MYT1L: variants seen among roughly 807,000 people sequenced by gnomAD.
MYT1L encodes the protein myelin transcription factor 1-like protein.
Under a neutral mutation model 126.7 loss-of-function variants are expected in MYT1L, and 12 were observed. That is an observed-to-expected ratio of 0.09 (90% CI 0.06 to 0.15). The LOEUF (loss-of-function observed/expected upper bound fraction) is 0.15. Ranked by LOEUF, MYT1L falls within the 10% of genes least tolerant of loss-of-function variation. MYT1L has a pLI of 1.00. For missense variants in MYT1L, 979 were observed against 1,585.2 expected (o/e 0.62, Z 6.49); for synonymous variants, 541 against 604.2 (o/e 0.90, Z 1.53).
chr2:2,253,256 C>G (rs1222891450), intron 2 of MYT1L, among the ~76,000 whole-genome samples: 1 of 152,268 alleles, frequency 6.6e-6, no homozygotes, highest in Non-Finnish European at 1.5e-5. Context: ...TGCTGCCCCC[C>G]TCGCAGGAGC....
Position 2,250,739 on chromosome 2 carries a change from TG to T in MYT1L, c.-421+33664del, listed in dbSNP as rs148008203. Among the ~76,000 whole-genome samples, 764 of 152,160 alleles carry T rather than the reference TG, an allele frequency of 5.0e-3. 5 individuals are homozygous for T. Among genetic ancestry groups the T allele is most frequent in the African/African-American group, 0.018 (730 of 41,514 alleles). ...TCTCCATGATTTGATTATTACACAT[TG>T]CATGCCTGTACCAAAATATCTCTTG... On this transcript the variant is annotated intron_variant, in intron 2 of 24. Coordinates refer to ENST00000647738, the MANE Select transcript of MYT1L (RefSeq NM_001303052.2).
Position 1,910,082 on chromosome 2 carries a change from G to A in MYT1L, c.1817+158C>T, listed in dbSNP as rs1192444314. ...CCCTTGCCCTCACACAGCCTGGCCT[G>A]GAGTGAGGGGTCCTGGCCCCGGCTT... On this transcript the variant is annotated intron_variant, in intron 13 of 24. Coordinates refer to ENST00000647738, the MANE Select transcript of MYT1L (RefSeq NM_001303052.2). The surrounding 1 kb of genome is among the most constrained non-coding windows in gnomAD (Gnocchi z 4.8). Among the ~76,000 whole-genome samples, 4 of 152,200 alleles carry A rather than the reference G, an allele frequency of 2.6e-5. No individual in the cohort carries two copies. The highest frequency in any genetic ancestry group is 9.6e-5 in the African/African-American group (4 of 41,464).
chr2:1,912,281 C>T lies in MYT1L; in HGVS notation c.1619-171G>A, dbSNP rs565555171. Among the ~76,000 whole-genome samples the T allele has an allele frequency of 3.9e-5, 6 of 152,168 alleles. No individual in the cohort carries two copies. The highest frequency in any genetic ancestry group is 1.4e-4 in the African/African-American group (6 of 41,534). ...CACATGGGAGGAGAAAGAAGGTTGA[C>T]TGGACCCTACGGACCCTACACGAAA... On this transcript the variant is annotated intron_variant, in intron 11 of 24. Coordinates refer to ENST00000647738, the MANE Select transcript of MYT1L (RefSeq NM_001303052.2). The surrounding 1 kb of genome is among the most constrained non-coding windows in gnomAD (Gnocchi z 4.3).
chr2:2,206,001 G>A (rs1378233594), intron 2 of MYT1L, among the ~76,000 whole-genome samples: 1 of 120,154 alleles, frequency 8.3e-6, no homozygotes, highest in Non-Finnish European at 1.7e-5. Flanking sequence ...TTTTTTTTTT[G>A]AAACAGGGTC....
intron 3 of MYT1L, among the ~76,000 whole-genome samples, chr2:2,163,210 T>A (rs2088328209): frequency 2.6e-5 from 4 of 152,140 alleles, no homozygotes; most frequent in Admixed American, 6.6e-5. Context: ...AACCTTGTTT[T>A]TCTTTCTACA....
rs568835569 is a variant in MYT1L, at chr2:2,210,229, C to T, written c.-420-37241G>A. On this transcript the variant is annotated intron_variant, in intron 2 of 24. Coordinates refer to ENST00000647738, the MANE Select transcript of MYT1L (RefSeq NM_001303052.2). ...GATAGGTTGACTTTTTCCTTTGCTG[C>T]GCAGAGGCTTTTTTAACTTGATATG... Among the ~76,000 whole-genome samples the T allele has an allele frequency of 1.8e-4, 27 of 152,156 alleles. 1 individual carries two copies. The highest frequency in any genetic ancestry group is 1.7e-3 in the South Asian group (8 of 4,816).
At chr2:2,306,055 A>G (rs1409921092) in intron 1 of MYT1L, 1 of 152,192 alleles carries the variant, frequency 6.6e-6, no homozygotes, top group East Asian at 1.9e-4. Context: ...CTGATCCTGG[A>G]ACAGGAGCAA....
At chr2:2,157,388 T>C (rs1392805256) in intron 3 of MYT1L, among the ~76,000 whole-genome samples, 3 of 152,216 alleles carry the variant, frequency 2.0e-5, no homozygotes, top group Non-Finnish European at 4.4e-5. Flanking sequence ...GACTAGACTT[T>C]TGTAAAATAA....
In MYT1L at chr2:2,224,302, C is replaced by A. The variant is rs2093955256; in HGVS notation, c.-420-51314G>T. Among the ~76,000 whole-genome samples, 1 of 152,028 alleles carries A rather than the reference C, an allele frequency of 6.6e-6. No individual in the cohort carries two copies. The highest frequency in any genetic ancestry group is 1.5e-5 in the Non-Finnish European group (1 of 68,022). On this transcript the variant is annotated intron_variant, in intron 2 of 24. Coordinates refer to ENST00000647738, the MANE Select transcript of MYT1L (RefSeq NM_001303052.2). This position sits in a 1 kb window ranked among gnomAD's most constrained non-coding sequence, Gnocchi z 4.0. ...AGGGTGTGACAGCAACAGATGGCAC[C>A]CAGAAAGGAGGCGTGGCGAGACCTT...
chr2:1,859,647 TGCAGATGGTATCACCCGCTGACA>T (rs1256139429), intron 18 of MYT1L, among the ~76,000 whole-genome samples: 1 of 152,230 alleles, frequency 6.6e-6, no homozygotes, highest in Non-Finnish European at 1.5e-5. Context: ...CTGGATGACA[TGCAGATGGTATCACCCGCTGACA>T]GCAGGAATAT....
intron 5 of MYT1L, among the ~76,000 whole-genome samples, chr2:1,989,082 G>A (rs1020417145): frequency 5.9e-5 from 9 of 152,084 alleles, no homozygotes; most frequent in Admixed American, 1.3e-4. Context: ...CCAGAGTACA[G>A]TCTCCAGGAC....
chr2:2,186,086 G>C (rs1433341648), intron 2 of MYT1L, among the ~76,000 whole-genome samples: 1 of 134,226 alleles, frequency 7.5e-6, no homozygotes, highest in Non-Finnish European at 1.6e-5. Context: ...CCGTGAGGGG[G>C]ACGCAGCCAG....
At position 1,922,363 on chromosome 2, in the gene MYT1L, G is replaced by T; in HGVS notation, c.1406C>A (p.Ser469Tyr). Residue 469 changes from serine (S) to tyrosine (Y), a missense_variant, in exon 10 of 25, where the codon TCT (serine) becomes TAT (tyrosine). Physicochemically the swap from Ser to Tyr is moderately radical, Grantham distance 144. This residue lies in a region of MYT1L where 67 missense variants were observed against 80.3 expected (regional missense o/e 0.83). Transcript: ENST00000647738. The surrounding 1 kb of genome is among the most constrained non-coding windows in gnomAD (Gnocchi z 7.4). The part of the protein sequence containing the change: ...RDNMRSYEDQ[S>Y]PRQLPGEDRK... ...GTCCTCCCCGGGAAGTTGTCTCGGA[G>T]ACTGGTCCTCATATGACCTCATATT... The T allele has an allele frequency of 6.2e-7, 1 of 1,613,988 alleles. No homozygotes were observed. The highest frequency in any genetic ancestry group is 8.5e-7 in the Non-Finnish European group (1 of 1,179,894).
intron 4 of MYT1L, among the ~76,000 whole-genome samples, chr2:2,004,029 T>G (rs1381865011): frequency 6.6e-6 from 1 of 151,144 alleles, no homozygotes; most frequent in Non-Finnish European, 1.5e-5. Flanking sequence ...ATGCCTTCTT[T>G]CCTGCATGCA....
chr2:1,840,698 T>C, intron 20 of MYT1L, 62 bp downstream of exon 20: 3 of 1,223,192 alleles, frequency 2.5e-6, no homozygotes, highest in South Asian at 2.7e-5. Flanking sequence ...CTTGCTTTGC[T>C]TGAATGCCTC....
At chr2:2,134,636 C>A (rs1409036037) in intron 3 of MYT1L, among the ~76,000 whole-genome samples, 2 of 152,088 alleles carry the variant, frequency 1.3e-5, no homozygotes, top group Non-Finnish European at 2.9e-5. Flanking sequence ...CATGAGGACA[C>A]AGTGAGGAAG....
At chr2:1,800,454 C>T (rs1048203890) in intron 23 of MYT1L, among the ~76,000 whole-genome samples, 5 of 152,200 alleles carry the variant, frequency 3.3e-5, no homozygotes, top group Admixed American at 1.3e-4. Flanking sequence ...GGCATCAAAA[C>T]ACCCAGGCAG....
chr2:2,004,211 G>T (rs1410368959), intron 4 of MYT1L, among the ~76,000 whole-genome samples: 1 of 122,180 alleles, frequency 8.2e-6, no homozygotes. Flanking sequence ...TCCTGAATGT[G>T]TTCTTTCCTG....
intron 1 of MYT1L, among the ~76,000 whole-genome samples, chr2:2,309,905 T>A (rs2095931604): frequency 6.6e-6 from 1 of 151,734 alleles, no homozygotes; most frequent in Non-Finnish European, 1.5e-5. Context: ...ATACTCCACT[T>A]ACACTTCAGT....
Sources: allele counts gnomAD v4.1 joint callset (sites outside exome capture counted in the v4.1 genomes callset), GRCh38; gene constraint gnomAD v4.1.1; regional missense constraint gnomAD v4.1.1; non-coding constraint Gnocchi (gnomAD v3.1); transcripts MANE v1.5; gene names NCBI Gene and HGNC (gene_info 2026-07-23, HGNC 2026-07-21).